ZFPM2: variants seen among roughly 807,000 people sequenced by gnomAD.
ZFPM2 encodes the protein zinc finger protein ZFPM2.
ZFPM2 carries 20 observed loss-of-function variants against 98.6 expected under a neutral mutation model. That is an observed-to-expected ratio of 0.20 (90% confidence interval 0.14 to 0.29). The LOEUF (loss-of-function observed/expected upper bound fraction) is 0.29, where lower values mean the gene tolerates loss of function less well. ZFPM2 is among the 10% of genes least tolerant of loss of function. The pLI is 1.00. For missense variants in ZFPM2, 1,310 were observed against 1,388.6 expected, an observed-to-expected ratio of 0.94 and a Z score of 0.90; for synonymous variants, 518 against 502.7, an observed-to-expected ratio of 1.03 and a Z score of -0.41.
chr8:105,468,093 C>A (rs1387619701), intron 3 of ZFPM2, among the ~76,000 whole-genome samples: 1 of 151,962 alleles, frequency 6.6e-6, no homozygotes. Flanking sequence ...CCCATTTTAT[C>A]ATCTTTGTTA....
intron 4 of ZFPM2, among the ~76,000 whole-genome samples, chr8:105,627,679 C>G (rs1331008231): frequency 6.6e-6 from 1 of 152,200 alleles, no homozygotes; most frequent in Non-Finnish European, 1.5e-5. Context: ...CTTTCTCATA[C>G]TCCCTGACCA....
intron 1 of ZFPM2, among the ~76,000 whole-genome samples, chr8:105,376,327 G>A (rs1198056296): frequency 6.6e-6 from 1 of 152,188 alleles, no homozygotes; most frequent in South Asian, 2.1e-4. Flanking sequence ...AGACATTGAA[G>A]TTCTTCAAGA....
At chr8:105,764,332 G>A (rs1812810204) in intron 5 of ZFPM2, among the ~76,000 whole-genome samples, 1 of 139,682 alleles carries the variant, frequency 7.2e-6, no homozygotes, top group African/African-American at 2.6e-5. Flanking sequence ...ACACATATTT[G>A]GAAATACTCA....
chr8:105,447,578 G>A (rs1013091577), intron 3 of ZFPM2, among the ~76,000 whole-genome samples: 1 of 152,026 alleles, frequency 6.6e-6, no homozygotes, highest in African/African-American at 2.4e-5. Flanking sequence ...TAAGATATGA[G>A]GTATTGAAAC....
intron 4 of ZFPM2, among the ~76,000 whole-genome samples, chr8:105,578,770 A>C (rs2130736823): frequency 6.6e-6 from 1 of 152,276 alleles, no homozygotes; most frequent in Non-Finnish European, 1.5e-5. Flanking sequence ...GAGTGGCTTA[A>C]GTTGGAGCTC....
chr8:105,789,055 C>T, intron 6 of ZFPM2, 131 bp downstream of exon 6: 4 of 701,426 alleles, frequency 5.7e-6, no homozygotes, highest in Admixed American at 3.4e-5. Flanking sequence ...TATCTTTTTT[C>T]TTTTTAAATA....
At chr8:105,363,160 C>T (rs148255985) in intron 1 of ZFPM2, among the ~76,000 whole-genome samples, 2 of 152,178 alleles carry the variant, frequency 1.3e-5, no homozygotes, top group Non-Finnish European at 2.9e-5. Context: ...ATTCTTAGTA[C>T]CTCTTTCAAG....
chr8:105,353,171 G>A (rs189441833), intron 1 of ZFPM2, among the ~76,000 whole-genome samples: 4 of 151,998 alleles, frequency 2.6e-5, no homozygotes, highest in East Asian at 3.9e-4. Flanking sequence ...ACTTTCTTGG[G>A]TATCAGAGGT....
intron 1 of ZFPM2, among the ~76,000 whole-genome samples, chr8:105,334,946 A>C (rs180995831): frequency 9.2e-5 from 14 of 151,860 alleles, no homozygotes; most frequent in South Asian, 8.3e-4. Context: ...GAAGGAGTAC[A>C]TGGAGAGACC....
At chr8:105,542,273 T>A (rs181603833) in intron 3 of ZFPM2, among the ~76,000 whole-genome samples, 6 of 152,302 alleles carry the variant, frequency 3.9e-5, no homozygotes, top group Non-Finnish European at 8.8e-5. Flanking sequence ...AATTAGATAT[T>A]CAGGATTATT....
At chr8:105,327,860 TC>T (rs1563605228) in intron 1 of ZFPM2, among the ~76,000 whole-genome samples, 1 of 151,794 alleles carries the variant, frequency 6.6e-6, no homozygotes, top group Non-Finnish European at 1.5e-5. Context: ...GGCCTTTTTT[TC>T]ATTTTCTAGT....
chr8:105,641,104 AT>A (rs1272637393), intron 5 of ZFPM2, among the ~76,000 whole-genome samples: 1 of 152,024 alleles, frequency 6.6e-6, no homozygotes, highest in African/African-American at 2.4e-5. Context: ...ATACAGTGGA[AT>A]TGTACAACTG....
At chr8:105,346,328 G>A (rs1212161569) in intron 1 of ZFPM2, among the ~76,000 whole-genome samples, 1 of 151,018 alleles carries the variant, frequency 6.6e-6, no homozygotes, top group Non-Finnish European at 1.5e-5. Flanking sequence ...AGGTTGCAGT[G>A]AGCCGAGATC....
intron 1 of ZFPM2, among the ~76,000 whole-genome samples, chr8:105,384,677 G>A (rs1173988191): frequency 1.3e-5 from 2 of 152,042 alleles, no homozygotes; most frequent in Non-Finnish European, 2.9e-5. Context: ...TTGACAAGAA[G>A]AAAGAGGAAA....
intron 4 of ZFPM2, among the ~76,000 whole-genome samples, chr8:105,620,154 TAA>T (rs1158658030): frequency 6.6e-6 from 1 of 152,200 alleles, no homozygotes; most frequent in Non-Finnish European, 1.5e-5. Context: ...ACCAACAGTG[TAA>T]AAGTGTTCCT....
intron 1 of ZFPM2, among the ~76,000 whole-genome samples, chr8:105,411,322 C>T (rs190304955): frequency 9.9e-5 from 15 of 151,842 alleles, no homozygotes; most frequent in Admixed American, 4.0e-4. Context: ...TTCCTGCCCA[C>T]CCTGCCACCA....
chr8:105,591,726 C>T (rs1815848862), intron 4 of ZFPM2, among the ~76,000 whole-genome samples: 1 of 151,798 alleles, frequency 6.6e-6, no homozygotes, highest in Non-Finnish European at 1.5e-5. Context: ...CCAGTAATAT[C>T]ATCATTTGTT....
intron 4 of ZFPM2, among the ~76,000 whole-genome samples, chr8:105,620,016 G>A (rs141617191): frequency 0.012 from 1,844 of 152,226 alleles, 26 homozygotes; most frequent in Middle Eastern, 0.027. Flanking sequence ...CTTTATAACA[G>A]CATGATTTAT....
chr8:105,687,149 A>G (rs1403547076), intron 5 of ZFPM2, among the ~76,000 whole-genome samples: 1 of 152,166 alleles, frequency 6.6e-6, no homozygotes, highest in South Asian at 2.1e-4. Context: ...TGACTGTGGA[A>G]GCCACATATT....
Sources: gnomAD v4.1 joint callset for allele counts (sites outside exome capture counted in the v4.1 genomes callset) on GRCh38, gnomAD v4.1.1 for gene constraint, MANE v1.5 for transcripts, NCBI Gene and HGNC (gene_info 2026-07-23, HGNC 2026-07-21) for gene names.